WASF3: variants seen among roughly 807,000 people sequenced by gnomAD.
WASF3 encodes actin-binding protein WASF3.
A neutral mutation model predicts 46.6 loss-of-function variants in WASF3; 11 were observed. The ratio of observed to expected loss-of-function variants is 0.24; its 90% CI spans 0.15 to 0.39. The LOEUF (loss-of-function observed/expected upper bound fraction) is 0.39. Among genes scored for constraint, WASF3 ranks in the 10% least tolerant of loss-of-function variants. The probability of loss-of-function intolerance (pLI) is 1.00; values close to 1 mark genes in which losing one functional copy is unlikely to be tolerated. For missense variants in WASF3, 576 were observed against 669.8 expected, an observed-to-expected ratio of 0.86 and a Z score of 1.55; for synonymous variants, 242 against 259.7, an observed-to-expected ratio of 0.93 and a Z score of 0.65.
chr13:26,650,480 A>T (rs1401140807), intron 3 of WASF3, among the ~76,000 whole-genome samples: 5 of 152,198 alleles, frequency 3.3e-5, no homozygotes, highest in Non-Finnish European at 4.4e-5. Flanking sequence ...CAAGATTCAG[A>T]TATGGGAGGA....
intron 3 of WASF3, among the ~76,000 whole-genome samples, chr13:26,642,997 G>A (rs1882045265): frequency 6.6e-6 from 1 of 152,148 alleles, no homozygotes; most frequent in African/African-American, 2.4e-5. Flanking sequence ...GTATATATTG[G>A]CATGCATAGA....
At chr13:26,577,144 A>G in intron 1 of WASF3, 1 of 770,088 alleles carries the variant, frequency 1.3e-6, no homozygotes, top group East Asian at 2.4e-5. Flanking sequence ...ATTCAAGCTG[A>G]TTACTGAAGA....
chr13:26,678,111 T>C (rs1566073044), intron 7 of WASF3, among the ~76,000 whole-genome samples: 4 of 133,548 alleles, frequency 3.0e-5, no homozygotes, highest in Non-Finnish European at 7.1e-5. Context: ...TTTCAAAAAA[T>C]AAGTCTGATT....
chr13:26,577,012 A>C (rs1879818014), intron 1 of WASF3: 1 of 713,838 alleles, frequency 1.4e-6, no homozygotes, highest in Non-Finnish European at 2.5e-6. Context: ...CAATATAAGG[A>C]ATATTGGAAA....
At chr13:26,644,274 C>A (rs890828275) in intron 3 of WASF3, among the ~76,000 whole-genome samples, 1 of 152,194 alleles carries the variant, frequency 6.6e-6, no homozygotes, top group Admixed American at 6.5e-5. Context: ...CAGTGAAATT[C>A]GTTTCTGACT....
intron 1 of WASF3, chr13:26,576,750 A>G (rs1394516631): frequency 6.6e-6 from 2 of 302,036 alleles, no homozygotes; most frequent in Non-Finnish European, 1.2e-5. Context: ...TTGTGGAACA[A>G]TAATAGACTC....
At chr13:26,540,685 A>G in the WASF3 span, among the ~76,000 whole-genome samples, 366 of 152,248 alleles carry the variant, frequency 2.4e-3, no homozygotes, top group Non-Finnish European at 4.1e-3. Flanking sequence ...TGCCAAGACC[A>G]TGTCTCTGCT....
At chr13:26,627,357 G>A (rs980086038) in intron 2 of WASF3, among the ~76,000 whole-genome samples, 2 of 152,072 alleles carry the variant, frequency 1.3e-5, no homozygotes, top group African/African-American at 2.4e-5. Context: ...GGGACTCATG[G>A]AGTTATTTTG....
chr13:26,566,427 CATCAAAACCTGTACT>C (rs1879466683), intron 1 of WASF3, among the ~76,000 whole-genome samples: 1 of 152,158 alleles, frequency 6.6e-6, no homozygotes, highest in Non-Finnish European at 1.5e-5. Context: ...GAAATGAATA[CATCAAAACCTGTACT>C]ATCAATAAAG....
At chr13:26,685,043 G>GT (rs1363255105) in intron 9 of WASF3, among the ~76,000 whole-genome samples, 1 of 149,414 alleles carries the variant, frequency 6.7e-6, no homozygotes, top group Non-Finnish European at 1.5e-5. Flanking sequence ...AGCCATGATC[G>GT]TAACACTGCA....
the WASF3 span, among the ~76,000 whole-genome samples, chr13:26,546,157 CA>C: frequency 6.6e-6 from 1 of 152,114 alleles, no homozygotes; most frequent in Non-Finnish European, 1.5e-5. Context: ...CAGGAAAACA[CA>C]AATATGCGAT....
intron 3 of WASF3, among the ~76,000 whole-genome samples, chr13:26,659,665 G>A (rs1882567685): frequency 6.6e-6 from 1 of 152,154 alleles, no homozygotes; most frequent in Non-Finnish European, 1.5e-5. Flanking sequence ...GGTAGGATCA[G>A]GGCAGGTGGT....
intron 1 of WASF3, among the ~76,000 whole-genome samples, chr13:26,611,661 A>G (rs569805422): frequency 8.8e-4 from 134 of 152,334 alleles, no homozygotes; most frequent in African/African-American, 3.0e-3. Flanking sequence ...GTATTTGGAA[A>G]TAAGGTGATC....
chr13:26,657,271 C>G (rs1412351138), intron 3 of WASF3, among the ~76,000 whole-genome samples: 1 of 152,220 alleles, frequency 6.6e-6, no homozygotes, highest in Non-Finnish European at 1.5e-5. Context: ...GGTTCTAAAT[C>G]ACTGCATTTT....
At chr13:26,668,818 A>T (rs1465221329) in intron 5 of WASF3, among the ~76,000 whole-genome samples, 1 of 152,222 alleles carries the variant, frequency 6.6e-6, no homozygotes, top group Non-Finnish European at 1.5e-5. Context: ...TGGAGGTTTT[A>T]GCACACTTAT....
At chr13:26,645,067 C>G (rs995446327) in intron 3 of WASF3, among the ~76,000 whole-genome samples, 1 of 152,132 alleles carries the variant, frequency 6.6e-6, no homozygotes, top group Admixed American at 6.5e-5. Flanking sequence ...TTTTGGAAAA[C>G]GAAGATAACT....
At chr13:26,649,265 T>C (rs1882240871) in intron 3 of WASF3, among the ~76,000 whole-genome samples, 1 of 152,114 alleles carries the variant, frequency 6.6e-6, no homozygotes, top group African/African-American at 2.4e-5. Flanking sequence ...AATAAAAATA[T>C]AAATATGAGA....
At chr13:26,568,307 G>C (rs550196171) in intron 1 of WASF3, among the ~76,000 whole-genome samples, 34 of 152,274 alleles carry the variant, frequency 2.2e-4, no homozygotes, top group African/African-American at 7.7e-4. Flanking sequence ...TAGGCATTGC[G>C]AAGTGCTGTG....
intron 1 of WASF3, among the ~76,000 whole-genome samples, chr13:26,569,178 G>A (rs769047708): frequency 2.6e-5 from 4 of 152,136 alleles, no homozygotes; most frequent in Non-Finnish European, 5.9e-5. Flanking sequence ...CACAATCATA[G>A]AGGAAAGTTT....
Sources: allele counts gnomAD v4.1 joint callset (sites outside exome capture counted in the v4.1 genomes callset), GRCh38; gene constraint gnomAD v4.1.1; transcripts MANE v1.5; gene names NCBI Gene and HGNC (gene_info 2026-07-23, HGNC 2026-07-21).